Variants in NCKAP5 observed in about 807,000 individuals in gnomAD.
The protein encoded by NCKAP5 is nck-associated protein 5.
In NCKAP5, 92 loss-of-function variants were observed where a neutral mutation model predicts 167.0. That is an observed-to-expected ratio of 0.55 (90% CI 0.47 to 0.66). The LOEUF (loss-of-function observed/expected upper bound fraction) is 0.66, where lower values mean the gene tolerates loss of function less well. Ranked by LOEUF, NCKAP5 falls within the 30% of genes least tolerant of loss-of-function variation. The probability of loss-of-function intolerance (pLI) is 0.00; values close to 1 mark genes in which losing one functional copy is unlikely to be tolerated. For synonymous variants in NCKAP5, 891 were observed against 877.4 expected (o/e 1.02, Z -0.27); for missense variants, 2,378 against 2,315.0 (o/e 1.03, Z -0.56).
intron 3 of NCKAP5, among the ~76,000 whole-genome samples, chr2:133,497,264 T>A (rs1272899310): frequency 2.0e-5 from 3 of 152,124 alleles, no homozygotes; most frequent in Admixed American, 6.5e-5. Flanking sequence ...TAAGAAAAAA[T>A]AAAAAGCCCT....
chr2:133,230,017 C>T (rs1170955288), intron 4 of NCKAP5, among the ~76,000 whole-genome samples: 4 of 152,016 alleles, frequency 2.6e-5, no homozygotes, highest in African/African-American at 9.7e-5. Context: ...ATTTTACTTC[C>T]CCACCCCACT....
chr2:133,646,142 C>G, the NCKAP5 span, among the ~76,000 whole-genome samples: 6 of 151,498 alleles, frequency 4.0e-5, no homozygotes, highest in African/African-American at 1.5e-4. Context: ...TCTTTTTATT[C>G]AAAAAGATAG....
At chr2:133,589,153 A>G in the NCKAP5 span, among the ~76,000 whole-genome samples, 1 of 152,342 alleles carries the variant, frequency 6.6e-6, no homozygotes, top group South Asian at 2.1e-4. Flanking sequence ...CCAAGGGGAC[A>G]CAGGACAACA....
intron 4 of NCKAP5, among the ~76,000 whole-genome samples, chr2:133,280,698 A>G (rs151288827): frequency 3.8e-4 from 58 of 152,334 alleles, no homozygotes; most frequent in African/African-American, 1.3e-3. Flanking sequence ...TTTAAAATTC[A>G]TTCTAGATCA....
At chr2:132,861,440 T>C (rs1689902415) in intron 10 of NCKAP5, among the ~76,000 whole-genome samples, 1 of 152,022 alleles carries the variant, frequency 6.6e-6, no homozygotes, top group African/African-American at 2.4e-5. Flanking sequence ...AAATTCAAGG[T>C]TCTTCAAAAG....
chr2:132,896,150 A>C lies in NCKAP5; in HGVS notation c.580-17234T>G, dbSNP rs117904503. Among the ~76,000 whole-genome samples, 69 of 152,340 alleles carry C rather than the reference A, an allele frequency of 4.5e-4. No homozygotes were observed. In the East Asian group the frequency reaches 0.011, roughly 25 times the overall value. Reference sequence around the variant, plus strand: ...GACTCTGTCTCAAAAACAAGCAAACAAACAAAAACAAAAAAACAAAAACAA... The same window carrying C: ...GACTCTGTCTCAAAAACAAGCAAACCAACAAAAACAAAAAAACAAAAACAA... On this transcript the variant is annotated intron_variant, in intron 8 of 19. Transcript: ENST00000409261.
chr2:133,135,688 G>T (rs1405528675), intron 5 of NCKAP5, among the ~76,000 whole-genome samples: 1 of 151,964 alleles, frequency 6.6e-6, no homozygotes, highest in Non-Finnish European at 1.5e-5. Flanking sequence ...CTAGAGAAGT[G>T]GTTTTGAACA....
At chr2:133,609,738 A>G in the NCKAP5 span, among the ~76,000 whole-genome samples, 9 of 152,160 alleles carry the variant, frequency 5.9e-5, no homozygotes, top group Admixed American at 2.0e-4. Flanking sequence ...TTATACCCCA[A>G]AGCTTGCCAA....
At chr2:133,596,836 C>CT in the NCKAP5 span, among the ~76,000 whole-genome samples, 42 of 152,280 alleles carry the variant, frequency 2.8e-4, no homozygotes, top group African/African-American at 9.1e-4. Flanking sequence ...CAGGAGGAAT[C>CT]TCGCCAATCT....
the NCKAP5 span, among the ~76,000 whole-genome samples, chr2:133,669,553 TAAAATA>T: frequency 2.5e-4 from 38 of 152,282 alleles, 1 homozygote; most frequent in African/African-American, 8.7e-4. Context: ...CTCTAAAACT[TAAAATA>T]TAAAATTAAT....
Position 133,352,018 on chromosome 2 carries a change from G to C in NCKAP5, c.70-48908C>G, listed in dbSNP as rs146615052. Among the ~76,000 whole-genome samples, 4 of 151,910 alleles carry C rather than the reference G, an allele frequency of 2.6e-5. 1 individual carries two copies. In the East Asian group the frequency reaches 5.8e-4, roughly 22 times the overall value. On this transcript the variant is annotated intron_variant, in intron 3 of 19. Coordinates refer to ENST00000409261, the MANE Select transcript of NCKAP5 (RefSeq NM_207363.3). Reference sequence around the variant, plus strand: ...CCTTCCAAGGTTTTCCATTTTCTATGAAAAAAAATGCAACTGGCCTCTGGA... The same window carrying C: ...CCTTCCAAGGTTTTCCATTTTCTATCAAAAAAAATGCAACTGGCCTCTGGA...
intron 11 of NCKAP5, among the ~76,000 whole-genome samples, chr2:132,830,352 T>C (rs1018949161): frequency 6.6e-6 from 1 of 151,932 alleles, no homozygotes; most frequent in East Asian, 1.9e-4. Context: ...ACTGGCTCAC[T>C]GGTGTTTCTG....
chr2:133,085,414 A>C (rs957215934), intron 6 of NCKAP5, among the ~76,000 whole-genome samples: 8 of 152,208 alleles, frequency 5.3e-5, no homozygotes, highest in African/African-American at 1.9e-4. Flanking sequence ...GCAATTTTTT[A>C]AACAGTGAAA....
At chr2:133,660,694 A>G in the NCKAP5 span, among the ~76,000 whole-genome samples, 1 of 150,840 alleles carries the variant, frequency 6.6e-6, no homozygotes, top group Non-Finnish European at 1.5e-5. Flanking sequence ...TGGACGAAAC[A>G]TTGTGTGAGT....
chr2:132,996,870 T>C (rs1176352448), intron 6 of NCKAP5, among the ~76,000 whole-genome samples: 1 of 152,222 alleles, frequency 6.6e-6, no homozygotes, highest in Admixed American at 6.5e-5. Context: ...TGAAGATTCA[T>C]AGACCCAAAC....
At chr2:133,086,571 A>C (rs113905613) in intron 6 of NCKAP5, among the ~76,000 whole-genome samples, 27 of 152,074 alleles carry the variant, frequency 1.8e-4, no homozygotes, top group African/African-American at 6.5e-4. Context: ...GAGCCTAGGA[A>C]TTCAATGCTG....
chr2:133,414,324 C>T (rs1574912283), intron 3 of NCKAP5, among the ~76,000 whole-genome samples: 1 of 152,188 alleles, frequency 6.6e-6, no homozygotes, highest in East Asian at 1.9e-4. Flanking sequence ...CAAATGGAGT[C>T]TGTCTTTTCG....
rs1172847149 is a variant in NCKAP5 at position 132,672,262 on chromosome 2, G to A, written c.*1027C>T. ...GAAGATAAAAATCAAATAATATTCA[G>A]GATCATAGAGAAGCACTAAGTAAAA... On this transcript the variant is annotated 3_prime_UTR_variant, in exon 20 of 20. Coordinates refer to ENST00000409261, the MANE Select transcript of NCKAP5 (RefSeq NM_207363.3). The A allele has an allele frequency of 6.6e-6, 1 of 152,512 alleles. No homozygotes were observed. The highest frequency in any genetic ancestry group is 2.4e-5 in the African/African-American group (1 of 41,418). 9.4% of individuals were successfully genotyped at this position (152,512 alleles called of 1,614,324 possible).
At chr2:133,555,819 G>A (rs1687701997) in intron 2 of NCKAP5, among the ~76,000 whole-genome samples, 1 of 152,186 alleles carries the variant, frequency 6.6e-6, no homozygotes, top group Admixed American at 6.5e-5. Flanking sequence ...TGAGAGACAT[G>A]TGCCAGCATA....
Sources: allele counts gnomAD v4.1 joint callset (sites outside exome capture counted in the v4.1 genomes callset), GRCh38; gene constraint gnomAD v4.1.1; transcripts MANE v1.5; gene names NCBI Gene and HGNC (gene_info 2026-07-23, HGNC 2026-07-21).